Variants in IGSF3 observed in about 807,000 individuals in gnomAD.
IGSF3 encodes immunoglobulin superfamily member 3.
A neutral mutation model predicts 114.4 loss-of-function variants in IGSF3; 23 were observed. The observed-to-expected ratio is 0.20, with a 90% CI of 0.14 to 0.28. IGSF3 has a LOEUF of 0.28. Ranked by LOEUF, IGSF3 falls within the 10% of genes least tolerant of loss-of-function variation. The pLI is 1.00. For missense variants in IGSF3, 1,172 were observed against 1,591.5 expected, an observed-to-expected ratio of 0.74 and a Z score of 4.48; for synonymous variants, 571 against 645.2, an observed-to-expected ratio of 0.88 and a Z score of 1.74.
chr1:116,609,550 CAG>C (rs1402627988), intron 4 of IGSF3, among the ~76,000 whole-genome samples: 1 of 152,062 alleles, frequency 6.6e-6, no homozygotes, highest in African/African-American at 2.4e-5. Context: ...CGGCAGAAGT[CAG>C]GGGGAAGAAA....
intron 2 of IGSF3, among the ~76,000 whole-genome samples, chr1:116,658,630 G>T (rs1343909082): frequency 1.3e-5 from 2 of 152,098 alleles, no homozygotes; most frequent in Non-Finnish European, 2.9e-5. Context: ...GAAGTGCCCA[G>T]AATATCCTCT....
At chr1:116,660,872 G>C (rs1649083670) in intron 2 of IGSF3, among the ~76,000 whole-genome samples, 1 of 152,200 alleles carries the variant, frequency 6.6e-6, no homozygotes, top group Non-Finnish European at 1.5e-5. Flanking sequence ...TTCAGATTCT[G>C]CCAAATTCCA....
rs757181519 is a variant in IGSF3, at chr1:116,579,574, C to T, written c.3152G>A (p.Gly1051Asp). The change falls in exon 10 of 11, where the codon GGC becomes GAC. Residue 1051 changes from glycine to aspartate, a missense_variant. Gly to Asp is a moderately conservative substitution (Grantham distance 94, BLOSUM62 -1). This residue lies in a region of IGSF3 where 423 missense variants were observed against 509.8 expected (regional missense o/e 0.83). Coordinates refer to ENST00000369486, the MANE Select transcript of IGSF3 (RefSeq NM_001007237.3). The surrounding 1 kb of genome is among the most constrained non-coding windows in gnomAD (Gnocchi z 6.4). ...VFGPEGSPWE[G>D]RLRFQRLSPV... is the part of the protein sequence containing the mutation. ...GGAGAGCCTCTGGAAGCGAAGCCTG[C>T]CCTCCCAAGGACTGCCCTCTGGGCC... 30 of 1,614,040 alleles carry T rather than the reference C, an allele frequency of 1.9e-5. No individual in the cohort carries two copies. The South Asian group carries it at 2.9e-4, about 15-fold the overall frequency.
chr1:116,598,485 T>G lies in IGSF3; in HGVS notation c.2029+1456A>C, dbSNP rs1434909732. Reference sequence around the variant, plus strand: ...GGAACAGTCTCGTCATTTATACAACTCACTTGTTCCAAATCTGGTACAGAA... The same window carrying G: ...GGAACAGTCTCGTCATTTATACAACGCACTTGTTCCAAATCTGGTACAGAA... On this transcript the variant is annotated intron_variant, in intron 7 of 10. Coordinates refer to ENST00000369486, the MANE Select transcript of IGSF3 (RefSeq NM_001007237.3). The surrounding 1 kb of genome is among the most constrained non-coding windows in gnomAD (Gnocchi z 4.3). Among the ~76,000 whole-genome samples, 2 of 152,220 alleles carry G rather than the reference T, an allele frequency of 1.3e-5. No individual in the cohort carries two copies. Among genetic ancestry groups the G allele is most frequent in the Non-Finnish European group, 2.9e-5 (2 of 68,036 alleles).
At chr1:116,621,504 T>C (rs910757860) in intron 2 of IGSF3, among the ~76,000 whole-genome samples, 7 of 152,126 alleles carry the variant, frequency 4.6e-5, no homozygotes, top group Non-Finnish European at 7.4e-5. Context: ...CCTGGGAGAC[T>C]CCGAGTCAGA....
rs1253111744 is a variant in IGSF3 at position 116,654,778 on chromosome 1, C to G, written c.43+11506G>C. 6.6e-6 allele frequency among the ~76,000 whole-genome samples: 1 copy of G among 152,160 alleles called. No individual in the cohort carries two copies. Among genetic ancestry groups the G allele is most frequent in the Non-Finnish European group, 1.5e-5 (1 of 68,030 alleles). On this transcript the variant is annotated intron_variant, in intron 2 of 10. Coordinates refer to ENST00000369486, the MANE Select transcript of IGSF3 (RefSeq NM_001007237.3). This position sits in a 1 kb window ranked among gnomAD's most constrained non-coding sequence, Gnocchi z 4.4. The stretch of plus-strand genomic sequence containing the variant: ...CCCAATTCCCACACACAAGCAACAT[C>G]CCCAGCAGTAATAAGGACGTTCCAC...
Position 116,625,840 on chromosome 1 carries a change from G to T in IGSF3, c.44-9383C>A, listed in dbSNP as rs1338002281. ...TTATTGATACTACTTCTAAGAAGAT[G>T]TAACTGCCAGCTACAGAACCATCCA... On this transcript the variant is annotated intron_variant, in intron 2 of 10. Transcript: ENST00000369486. This position sits in a 1 kb window ranked among gnomAD's most constrained non-coding sequence, Gnocchi z 4.7. Among the ~76,000 whole-genome samples the T allele has an allele frequency of 6.6e-6, 1 of 152,224 alleles. No individual in the cohort carries two copies. The highest frequency in any genetic ancestry group is 1.5e-5 in the Non-Finnish European group (1 of 68,038).
intron 2 of IGSF3, among the ~76,000 whole-genome samples, chr1:116,639,471 TC>T (rs1206807159): frequency 3.9e-5 from 6 of 152,214 alleles, no homozygotes; most frequent in African/African-American, 1.4e-4. Context: ...TGGAGACAGG[TC>T]CCAACCACCT....
At position 116,594,365 on chromosome 1, in the gene IGSF3, A is replaced by G. The variant is rs1013067699; in HGVS notation, c.2030-5261T>C. The stretch of plus-strand genomic sequence containing the variant: ...ATTAGGAATGTTATATTGTATATGA[A>G]TTTCATTTCTGGGTAAAGGGAACAT... On this transcript the variant is annotated intron_variant, in intron 7 of 10. Transcript: ENST00000369486. This position sits in a 1 kb window ranked among gnomAD's most constrained non-coding sequence, Gnocchi z 5.2. 6.6e-6 allele frequency among the ~76,000 whole-genome samples: 1 copy of G among 152,226 alleles called. No individual in the cohort carries two copies. Among genetic ancestry groups the G allele is most frequent in the Non-Finnish European group, 1.5e-5 (1 of 68,040 alleles).
chr1:116,628,741 C>T lies in IGSF3; in HGVS notation c.44-12284G>A, dbSNP rs1362987241. ...TAATGGATGGCCGCTCCTTCCCCCTCAGCTTTGACTTTCATTGCTGGTGGC... is the reference window on the plus strand; with the variant it reads ...TAATGGATGGCCGCTCCTTCCCCCTTAGCTTTGACTTTCATTGCTGGTGGC... On this transcript the variant is annotated intron_variant, in intron 2 of 10. Transcript: ENST00000369486. The surrounding 1 kb of genome is among the most constrained non-coding windows in gnomAD (Gnocchi z 4.2). Among the ~76,000 whole-genome samples, 1 of 152,234 alleles carries T rather than the reference C, an allele frequency of 6.6e-6. No individual in the cohort carries two copies. Among genetic ancestry groups the T allele is most frequent in the Non-Finnish European group, 1.5e-5 (1 of 68,038 alleles).
At chr1:116,613,442 A>G (rs181124309) in intron 4 of IGSF3, among the ~76,000 whole-genome samples, 1 of 152,324 alleles carries the variant, frequency 6.6e-6, no homozygotes, top group East Asian at 1.9e-4. Flanking sequence ...GACTTTTAAG[A>G]TACAAATGGT....
chr1:116,641,085 A>G (rs1002241235), intron 2 of IGSF3, among the ~76,000 whole-genome samples: 2 of 152,356 alleles, frequency 1.3e-5, no homozygotes. Context: ...TAGGGGAGTG[A>G]TGGTACAGAT....
Position 116,592,664 on chromosome 1 carries a change from C to G in IGSF3, c.2030-3560G>C, listed in dbSNP as rs1034273788. ...CTTCGGATTCCACTCTGTGCGTGCT[C>G]TTCTCACTCAAAACTCATTTATTTC... On this transcript the variant is annotated intron_variant, in intron 7 of 10. Transcript: ENST00000369486. The surrounding 1 kb of genome is among the most constrained non-coding windows in gnomAD (Gnocchi z 4.5). Among the ~76,000 whole-genome samples, 26 of 152,194 alleles carry G rather than the reference C, an allele frequency of 1.7e-4. No homozygotes were observed. Among genetic ancestry groups the G allele is most frequent in the African/African-American group, 5.8e-4 (24 of 41,436 alleles).
At chr1:116,599,824 T>C in intron 7 of IGSF3, 117 bp downstream of exon 7, 1 of 867,642 alleles carries the variant, frequency 1.2e-6, no homozygotes, top group Non-Finnish European at 1.7e-6. Flanking sequence ...GCAATGTGTC[T>C]AAATGAAGAG....
rs1648915192 is a variant in IGSF3 at position 116,657,570 on chromosome 1, G to GT, written c.43+8713dup. ...TACTGGTTATCATGTGGGAAAAAAGGTTTAATTACTCCCTAATGGTCTGGG... is the reference window on the plus strand; with the variant it reads ...TACTGGTTATCATGTGGGAAAAAAGGTTTTAATTACTCCCTAATGGTCTGGG... On this transcript the variant is annotated intron_variant, in intron 2 of 10. Transcript: ENST00000369486. This position sits in a 1 kb window ranked among gnomAD's most constrained non-coding sequence, Gnocchi z 4.2. Among the ~76,000 whole-genome samples, 2 of 152,184 alleles carry GT rather than the reference G, an allele frequency of 1.3e-5. No individual in the cohort carries two copies. The highest frequency in any genetic ancestry group is 4.1e-4 in the South Asian group (2 of 4,832).
rs1261121388 is a variant in IGSF3 at position 116,584,690 on chromosome 1, C to T, written c.2803G>A (p.Ala935Thr). 1.9e-6 allele frequency: 3 copies of T among 1,613,938 alleles called. No homozygotes were observed. In the Admixed American group the frequency reaches 5.0e-5, roughly 27 times the overall value. The change falls in exon 9 of 11, where the codon GCA becomes ACA. Residue 935 changes from alanine (A) to threonine (T), a missense_variant. Physicochemically the swap from Ala to Thr is moderately conservative, Grantham distance 58. Around this residue, in one of 3 missense-constraint regions of IGSF3, gnomAD observed 423 missense variants for 509.8 expected, o/e 0.83. Transcript: ENST00000369486. This position sits in a 1 kb window ranked among gnomAD's most constrained non-coding sequence, Gnocchi z 5.8. ...GCTGTCTGCCCAGCGGTGTCCTCTG[C>T]CCGCTTATACCACATGCCACTGGGG... The part of the protein sequence containing the change: ...PSPSGMWYKR[A>T]EDTAGQTALT...
At position 116,616,182 on chromosome 1, in the gene IGSF3, T is replaced by A; in HGVS notation, c.319A>T (p.Ile107Phe). ...RVQGNSTLLH[I>F]TDLQARDAGE... Reference sequence around the variant, plus strand: ...GCATCCCGGGCCTGAAGATCTGTGATGTGCAATAGGGTTGAGTTCCCCTGG... The same window carrying A: ...GCATCCCGGGCCTGAAGATCTGTGAAGTGCAATAGGGTTGAGTTCCCCTGG... Residue 107 changes from isoleucine (I) to phenylalanine (F), a missense_variant, in exon 3 of 11, where the codon ATC (isoleucine) becomes TTC (phenylalanine). Coordinates refer to ENST00000369486, the MANE Select transcript of IGSF3 (RefSeq NM_001007237.3). This position sits in a 1 kb window ranked among gnomAD's most constrained non-coding sequence, Gnocchi z 6.6. 1 of 1,614,062 alleles carries A rather than the reference T, an allele frequency of 6.2e-7. No individual in the cohort carries two copies. Among genetic ancestry groups the A allele is most frequent in the Non-Finnish European group, 8.5e-7 (1 of 1,179,882 alleles).
intron 2 of IGSF3, among the ~76,000 whole-genome samples, chr1:116,619,683 C>A (rs1272329928): frequency 1.3e-5 from 2 of 152,128 alleles, no homozygotes; most frequent in Non-Finnish European, 2.9e-5. Flanking sequence ...GACACAGGCT[C>A]CCAAACCTGA....
intron 7 of IGSF3, among the ~76,000 whole-genome samples, chr1:116,599,547 T>C (rs1557864008): frequency 1.3e-5 from 2 of 152,204 alleles, no homozygotes. Flanking sequence ...CTGGGACAAC[T>C]GGGGAAATGT....
Sources: allele counts gnomAD v4.1 joint callset (sites outside exome capture counted in the v4.1 genomes callset), GRCh38; gene constraint gnomAD v4.1.1; regional missense constraint gnomAD v4.1.1; non-coding constraint Gnocchi (gnomAD v3.1); transcripts MANE v1.5; gene names NCBI Gene and HGNC (gene_info 2026-07-23, HGNC 2026-07-21).